Variants in AXDND1 observed in about 807,000 individuals in gnomAD.
AXDND1 encodes the protein axonemal dynein light chain domain-containing protein 1.
In AXDND1, 110 loss-of-function variants were observed where a neutral mutation model predicts 137.5. The ratio of observed to expected loss-of-function variants is 0.80; its 90% CI spans 0.69 to 0.94. AXDND1 has a LOEUF of 0.94. Among genes scored for constraint, AXDND1 ranks in the 40% least tolerant of loss-of-function variants. The probability of loss-of-function intolerance (pLI) is 0.00; values close to 1 mark genes in which losing one functional copy is unlikely to be tolerated. For missense variants in AXDND1, 1,191 were observed against 1,169.8 expected (o/e 1.02, Z -0.26); for synonymous variants, 414 against 399.7 (o/e 1.04, Z -0.43).
chr1:179,447,578 G>C (rs1659914592), intron 16 of AXDND1: 1 of 1,013,600 alleles, frequency 9.9e-7, no homozygotes, highest in Non-Finnish European at 1.4e-6. Flanking sequence ...GAATGAAGTT[G>C]AAGAAAGGTT....
chr1:179,541,738 C>T (rs1558324184), intron 25 of AXDND1, among the ~76,000 whole-genome samples: 1 of 151,770 alleles, frequency 6.6e-6, no homozygotes, highest in South Asian at 2.1e-4. Flanking sequence ...AATAATTTCA[C>T]ACGTGAGAAT....
intron 16 of AXDND1, among the ~76,000 whole-genome samples, chr1:179,446,570 G>A (rs576006700): frequency 1.2e-4 from 18 of 152,236 alleles, no homozygotes; most frequent in African/African-American, 4.3e-4. Flanking sequence ...TGTTGCCAGT[G>A]GTCTACATAT....
intron 2 of AXDND1, among the ~76,000 whole-genome samples, chr1:179,368,353 C>T (rs891440499): frequency 2.6e-5 from 4 of 152,012 alleles, no homozygotes; most frequent in African/African-American, 9.7e-5. Context: ...ATAAATGCCT[C>T]GATTTAATGC....
intron 16 of AXDND1, chr1:179,456,707 A>G: frequency 1.3e-6 from 1 of 784,514 alleles, no homozygotes; most frequent in Non-Finnish European, 2.3e-6. Flanking sequence ...TGTCATTCCC[A>G]CTGAAACCAC....
At chr1:179,552,846 T>A in intron 25 of AXDND1, 1 of 674,924 alleles carries the variant, frequency 1.5e-6, no homozygotes, top group Non-Finnish European at 2.7e-6. Flanking sequence ...AGTAGGCAGA[T>A]CTCCAAGGTC....
At chr1:179,516,691 C>G (rs1193525842) in intron 21 of AXDND1, among the ~76,000 whole-genome samples, 1 of 152,148 alleles carries the variant, frequency 6.6e-6, no homozygotes, top group Non-Finnish European at 1.5e-5. Context: ...GATGTGGCTT[C>G]CTATGAGCTG....
At chr1:179,460,210 A>C (rs1196242718) in intron 16 of AXDND1, among the ~76,000 whole-genome samples, 1 of 151,474 alleles carries the variant, frequency 6.6e-6, no homozygotes, top group Admixed American at 6.6e-5. Flanking sequence ...ACCCCACGAC[A>C]GGCCTCGGTA....
chr1:179,391,185 A>G (rs1405710207), intron 9 of AXDND1, among the ~76,000 whole-genome samples: 1 of 151,174 alleles, frequency 6.6e-6, no homozygotes, highest in Non-Finnish European at 1.5e-5. Context: ...TTATTGCCTA[A>G]CATTACTTTC....
Position 179,483,144 on chromosome 1 carries a change from A to G in AXDND1, c.2014A>G (p.Ile672Val), listed in dbSNP as rs1488811747. The change falls in exon 18 of 26, where the codon ATA (isoleucine) becomes GTA (valine). Residue 672 changes from isoleucine to valine, a missense_variant. Physicochemically the swap from Ile to Val is conservative, Grantham distance 29. Transcript: ENST00000367618. ...TTCCTTCAGGGTACTCCAAGCGTAT[A>G]TATTTAACATGATTCAACAATGGCT... ...VDSVSVLQAY[I>V]FNMIQQWLLK... 1.2e-6 allele frequency: 2 copies of G among 1,603,754 alleles called. No individual in the cohort carries two copies. The highest frequency in any genetic ancestry group is 1.7e-6 in the Non-Finnish European group (2 of 1,174,782).
chr1:179,378,841 A>G, intron 5 of AXDND1, 84 bp downstream of exon 5: 1 of 1,129,926 alleles, frequency 8.9e-7, no homozygotes, highest in South Asian at 3.2e-5. Flanking sequence ...ATATAAATAT[A>G]AAATATAAAA....
chr1:179,532,392 C>G (rs1009911995), intron 23 of AXDND1, among the ~76,000 whole-genome samples: 1 of 152,134 alleles, frequency 6.6e-6, no homozygotes, highest in Non-Finnish European at 1.5e-5. Context: ...CTAGAAGCCT[C>G]TGCTCTGAAA....
At chr1:179,406,697 T>C (rs1653026061) in intron 11 of AXDND1, among the ~76,000 whole-genome samples, 1 of 152,210 alleles carries the variant, frequency 6.6e-6, no homozygotes, top group African/African-American at 2.4e-5. Flanking sequence ...GGTTTCTGTC[T>C]GCATAGAGTG....
intron 21 of AXDND1, among the ~76,000 whole-genome samples, chr1:179,523,938 A>T (rs890667865): frequency 5.9e-5 from 9 of 152,112 alleles, no homozygotes; most frequent in Non-Finnish European, 1.0e-4. Context: ...CTTAGCTCCC[A>T]CTTATGAGTG....
chr1:179,432,807 G>A (rs956240911), intron 15 of AXDND1, among the ~76,000 whole-genome samples: 11 of 151,980 alleles, frequency 7.2e-5, no homozygotes, highest in African/African-American at 2.7e-4. Context: ...AGAGGCTGAG[G>A]CAGGAGAATC....
At chr1:179,373,066 T>G (rs367864618) in intron 4 of AXDND1, among the ~76,000 whole-genome samples, 19 of 152,308 alleles carry the variant, frequency 1.2e-4, no homozygotes, top group African/African-American at 4.1e-4. Flanking sequence ...CAATCACCTC[T>G]TAAAGGTTCC....
chr1:179,397,743 A>C (rs892551915), intron 11 of AXDND1, among the ~76,000 whole-genome samples: 3 of 152,196 alleles, frequency 2.0e-5, no homozygotes, highest in African/African-American at 7.2e-5. Context: ...CCAGTCTTCA[A>C]GTTCTGAGAT....
At chr1:179,409,884 A>T (rs73050574) in intron 11 of AXDND1, among the ~76,000 whole-genome samples, 16,016 of 151,842 alleles carry the variant, frequency 0.11, 955 homozygotes, top group African/African-American at 0.14. Context: ...TTTTTTTTTT[A>T]AATCATAGAA....
chr1:179,468,781 G>A (rs545898198), intron 17 of AXDND1, 140 bp downstream of exon 17: 15 of 609,410 alleles, frequency 2.5e-5, no homozygotes, highest in African/African-American at 5.8e-5. Context: ...AACCATTACC[G>A]GTCAATTTTA....
intron 16 of AXDND1, chr1:179,457,409 A>T: frequency 2.8e-6 from 1 of 358,180 alleles, no homozygotes; most frequent in Non-Finnish European, 5.2e-6. Flanking sequence ...ACAGTTTTAA[A>T]TTTCCATTGT....
Sources: allele counts gnomAD v4.1 joint callset (sites outside exome capture counted in the v4.1 genomes callset), GRCh38; gene constraint gnomAD v4.1.1; transcripts MANE v1.5; gene names NCBI Gene and HGNC (gene_info 2026-07-23, HGNC 2026-07-21).